Variants in DYM observed in about 807,000 individuals in gnomAD.
DYM encodes the protein dymeclin, also known as dyggve-Melchior-Clausen syndrome protein.
DYM carries 78 observed loss-of-function variants against 93.1 expected under a neutral mutation model. The ratio of observed to expected loss-of-function variants is 0.84; its 90% CI spans 0.70 to 1.01. DYM has a LOEUF of 1.01. Among genes scored for constraint, DYM ranks in the 50% least tolerant of loss-of-function variants. The pLI is 0.00. For synonymous variants in DYM, 321 were observed against 319.7 expected, an observed-to-expected ratio of 1.00 and a Z score of -0.04; for missense variants, 789 against 845.0, an observed-to-expected ratio of 0.93 and a Z score of 0.82.
In DYM at chr18:49,430,326, C is replaced by T. The variant is rs753252720; in HGVS notation, c.69G>A (p.Thr23=). Residue 23 remains threonine (T), a synonymous_variant, in exon 2 of 18, where the codon ACG becomes ACA. Coordinates refer to ENST00000675505, the MANE Select transcript of DYM (RefSeq NM_001353214.3). ...ACGGGTCATTCTCAGAGATAGATTC[C>T]GTGCCTGATAACTTTTTCAAGTACT... The part of the protein sequence containing the change: ...KNEYLKKLSG[T]ESISENDPFW... The T allele has an allele frequency of 2.9e-5, 47 of 1,613,998 alleles. No individual in the cohort carries two copies. Among genetic ancestry groups the T allele is most frequent in the Non-Finnish European group, 3.7e-5 (44 of 1,179,998 alleles).
At chr18:49,129,152 C>G (rs2083137339) in intron 15 of DYM, among the ~76,000 whole-genome samples, 1 of 151,722 alleles carries the variant, frequency 6.6e-6, no homozygotes, top group Admixed American at 6.6e-5. Context: ...AGAGTAGCTC[C>G]AAGTCCATGG....
At chr18:49,222,785 A>G (rs1943007) in intron 13 of DYM, among the ~76,000 whole-genome samples, 112,348 of 152,114 alleles carry the variant, frequency 0.74, 42,565 homozygotes, top group Admixed American at 0.81. Context: ...CACAGTGGAT[A>G]AAGGAAAATT....
intron 17 of DYM, among the ~76,000 whole-genome samples, chr18:49,063,013 GT>G (rs900041537): frequency 5.9e-5 from 9 of 152,306 alleles, no homozygotes; most frequent in African/African-American, 2.2e-4. Context: ...GCCATGATCG[GT>G]TTTTAGCCAC....
At chr18:49,270,940 T>C (rs934269723) in intron 11 of DYM, among the ~76,000 whole-genome samples, 1 of 152,044 alleles carries the variant, frequency 6.6e-6, no homozygotes, top group East Asian at 1.9e-4. Flanking sequence ...GCAAGGAGAC[T>C]GGAAGAATCA....
At chr18:49,423,360 C>A (rs2073928190) in intron 2 of DYM, among the ~76,000 whole-genome samples, 2 of 152,020 alleles carry the variant, frequency 1.3e-5, no homozygotes, top group African/African-American at 4.8e-5. Context: ...AACAAAGACA[C>A]AACATACCAG....
At chr18:49,449,247 T>C (rs1476155132) in intron 1 of DYM, among the ~76,000 whole-genome samples, 1 of 152,202 alleles carries the variant, frequency 6.6e-6, no homozygotes, top group Non-Finnish European at 1.5e-5. Context: ...TCACCTCTCA[T>C]GAAGAGATTT....
intron 17 of DYM, among the ~76,000 whole-genome samples, chr18:49,080,220 A>C (rs1248260249): frequency 2.7e-5 from 2 of 73,396 alleles, no homozygotes; most frequent in Non-Finnish European, 5.0e-5. Context: ...TGACCCCCCA[A>C]CCTCCCTCTC....
intron 1 of DYM, among the ~76,000 whole-genome samples, chr18:49,449,175 G>A (rs2082331987): frequency 6.6e-6 from 1 of 152,176 alleles, no homozygotes; most frequent in Non-Finnish European, 1.5e-5. Flanking sequence ...AGGTGACTGA[G>A]GCCAATTTTC....
intron 17 of DYM, among the ~76,000 whole-genome samples, chr18:49,052,049 G>T (rs1349707425): frequency 6.6e-6 from 1 of 152,250 alleles, no homozygotes; most frequent in Non-Finnish European, 1.5e-5. Flanking sequence ...AAAAGATTCA[G>T]AAAGGGTAAT....
At chr18:49,115,892 A>C (rs2081882948) in intron 16 of DYM, 1 of 152,250 alleles carries the variant, frequency 6.6e-6, no homozygotes, top group South Asian at 2.1e-4. Flanking sequence ...GCATGCCAAC[A>C]GCATAGTCTC....
chr18:49,079,055 T>G (rs1320968698), intron 17 of DYM, among the ~76,000 whole-genome samples: 1 of 152,250 alleles, frequency 6.6e-6, no homozygotes, highest in Non-Finnish European at 1.5e-5. Context: ...GACATGAGAT[T>G]CTTTGTGTTT....
chr18:49,439,869 G>A (rs1456017855), intron 1 of DYM, among the ~76,000 whole-genome samples: 1 of 151,756 alleles, frequency 6.6e-6, no homozygotes, highest in Non-Finnish European at 1.5e-5. Flanking sequence ...AGGCAACACA[G>A]CTAATAAGCC....
intron 2 of DYM, among the ~76,000 whole-genome samples, chr18:49,424,758 CAGAG>C (rs1450316295): frequency 6.6e-6 from 1 of 152,068 alleles, no homozygotes; most frequent in Non-Finnish European, 1.5e-5. Flanking sequence ...AACAGACAAA[CAGAG>C]AGCCAAATCA....
chr18:49,166,221 C>T (rs916405950), intron 14 of DYM, among the ~76,000 whole-genome samples: 82 of 152,282 alleles, frequency 5.4e-4, no homozygotes, highest in African/African-American at 1.9e-3. Flanking sequence ...CAAATGCATA[C>T]TGTATACATA....
At chr18:49,079,416 T>G (rs572570245) in intron 17 of DYM, among the ~76,000 whole-genome samples, 1 of 151,950 alleles carries the variant, frequency 6.6e-6, no homozygotes, top group Non-Finnish European at 1.5e-5. Context: ...TTTATTTTTA[T>G]TTTTTTTATT....
rs191430692 is a variant in DYM, at chr18:49,247,004, C to T, written c.1460+10006G>A. 5.6e-4 allele frequency among the ~76,000 whole-genome samples: 85 copies of T among 152,286 alleles called. No individual in the cohort carries two copies. In the Middle Eastern group the frequency reaches 0.01, roughly 18 times the overall value. On this transcript the variant is annotated intron_variant, in intron 13 of 17. Coordinates refer to ENST00000675505, the MANE Select transcript of DYM (RefSeq NM_001353214.3). ...CAGAGGCATTAGCAGCCTTGTGCTC[C>T]GGGCTATCTCTGCGTGGATGCTTGT... is the stretch of plus-strand genomic sequence containing the variant.
At chr18:49,262,245 C>G (rs779795318) in intron 11 of DYM, among the ~76,000 whole-genome samples, 1 of 151,980 alleles carries the variant, frequency 6.6e-6, no homozygotes, top group Non-Finnish European at 1.5e-5. Context: ...CCAAGGGACA[C>G]CAAGTATTGC....
At chr18:49,169,717 C>T (rs2145215246) in intron 14 of DYM, among the ~76,000 whole-genome samples, 2 of 152,294 alleles carry the variant, frequency 1.3e-5, no homozygotes, top group Middle Eastern at 6.8e-3. Context: ...CATGGAACTT[C>T]AGGGCTCCTA....
rs181969030 is a variant in DYM at position 49,347,277 on chromosome 18, C to T, written c.495-13424G>A. ...ATGGAAGGACTAGGGAGATGGGAGA[C>T]AAGGATGAGAGGGAGATTGTTCATG... On this transcript the variant is annotated intron_variant, in intron 6 of 17. Coordinates refer to ENST00000675505, the MANE Select transcript of DYM (RefSeq NM_001353214.3). Among the ~76,000 whole-genome samples, 355 of 152,048 alleles carry T rather than the reference C, an allele frequency of 2.3e-3. 1 individual carries two copies. Among genetic ancestry groups the T allele is most frequent in the South Asian group, 8.9e-3 (43 of 4,812 alleles).
Sources: gnomAD v4.1 joint callset for allele counts (sites outside exome capture counted in the v4.1 genomes callset) on GRCh38, gnomAD v4.1.1 for gene constraint, MANE v1.5 for transcripts, NCBI Gene and HGNC (gene_info 2026-07-23, HGNC 2026-07-21) for gene names.